Variants in TCF7L1 observed in about 807,000 individuals in gnomAD.
TCF7L1 encodes the protein transcription factor 7-like 1.
TCF7L1 carries 18 observed loss-of-function variants against 63.7 expected under a neutral mutation model. The ratio of observed to expected loss-of-function variants is 0.28; its 90% confidence interval spans 0.20 to 0.42. The LOEUF (loss-of-function observed/expected upper bound fraction) is 0.42, where lower values mean the gene tolerates loss of function less well. TCF7L1 is among the 10% of genes least tolerant of loss of function. The probability of loss-of-function intolerance (pLI) is 1.00; values close to 1 mark genes in which losing one functional copy is unlikely to be tolerated. For missense variants in TCF7L1, 654 were observed against 779.3 expected (o/e 0.84, Z 1.91); for synonymous variants, 355 against 340.9 (o/e 1.04, Z -0.46).
intron 3 of TCF7L1, chr2:85,186,342 C>T (rs901666308): frequency 6.6e-6 from 1 of 152,176 alleles, no homozygotes; most frequent in Non-Finnish European, 1.5e-5. Flanking sequence ...AGTGGCTCCT[C>T]CTTTCCATGA....
chr2:85,166,234 T>A (rs534838798), intron 3 of TCF7L1, among the ~76,000 whole-genome samples: 1 of 152,288 alleles, frequency 6.6e-6, no homozygotes, highest in Admixed American at 6.5e-5. Context: ...CTAGGTGGGC[T>A]ATTATTTACA....
chr2:85,221,045 G>A (rs921720683), intron 3 of TCF7L1, among the ~76,000 whole-genome samples: 8 of 152,162 alleles, frequency 5.3e-5, no homozygotes, highest in South Asian at 2.1e-4. Flanking sequence ...CTATTGTTAC[G>A]CACTCAGGTA....
chr2:85,283,194 A>G (rs1471810479), intron 3 of TCF7L1, among the ~76,000 whole-genome samples: 2 of 149,214 alleles, frequency 1.3e-5, no homozygotes, highest in African/African-American at 2.5e-5. Context: ...TTCTTTGAAT[A>G]TGTTGATTGG....
rs1184379116 is a variant in TCF7L1 at position 85,146,201 on chromosome 2, C to T, written c.441+11751C>T. 2.0e-5 allele frequency among the ~76,000 whole-genome samples: 3 copies of T among 152,318 alleles called. No individual in the cohort carries two copies. In the East Asian group the frequency reaches 5.8e-4, roughly 29 times the overall value. ...ACTCTTCCTACACTGAATTCTTGTG[C>T]ATCTGATATTATCACCTCGATTTTA... On this transcript the variant is annotated intron_variant, in intron 3 of 11. Transcript: ENST00000282111.
chr2:85,306,931 T>A lies in TCF7L1; in HGVS notation c.1257+372T>A, dbSNP rs1682127528. Among the ~76,000 whole-genome samples the A allele has an allele frequency of 6.6e-6, 1 of 152,222 alleles. No homozygotes were observed. Among genetic ancestry groups the A allele is most frequent in the African/African-American group, 2.4e-5 (1 of 41,454 alleles). On this transcript the variant is annotated intron_variant, in intron 10 of 11. Coordinates refer to ENST00000282111, the MANE Select transcript of TCF7L1 (RefSeq NM_031283.3). This position sits in a 1 kb window ranked among gnomAD's most constrained non-coding sequence, Gnocchi z 4.3. ...CGCCCACCTCGGCCTCCCAAAGCGC[T>A]GGGATTACAGGCGTGAGCCACCGCG...
chr2:85,282,176 C>T (rs767058880), intron 3 of TCF7L1, among the ~76,000 whole-genome samples: 1 of 152,056 alleles, frequency 6.6e-6, no homozygotes, highest in African/African-American at 2.4e-5. Context: ...TTAGTAGAGA[C>T]GAAGTTTCAC....
At chr2:85,250,700 T>G (rs1680568667) in intron 3 of TCF7L1, among the ~76,000 whole-genome samples, 2 of 152,178 alleles carry the variant, frequency 1.3e-5, no homozygotes, top group Non-Finnish European at 2.9e-5. Flanking sequence ...CCTCCCAAAG[T>G]GGTAGGATTA....
At chr2:85,276,956 G>T (rs924198739) in intron 3 of TCF7L1, among the ~76,000 whole-genome samples, 1 of 152,128 alleles carries the variant, frequency 6.6e-6, no homozygotes, top group African/African-American at 2.4e-5. Flanking sequence ...GAAGAAGAGG[G>T]GTTAAAGTTT....
intron 3 of TCF7L1, among the ~76,000 whole-genome samples, chr2:85,175,794 G>A (rs1345925775): frequency 2.6e-5 from 4 of 152,246 alleles, no homozygotes; most frequent in Non-Finnish European, 5.9e-5. Flanking sequence ...ACATGAGCCA[G>A]GATATGGAAG....
At chr2:85,151,129 T>A (rs1477669288) in intron 3 of TCF7L1, among the ~76,000 whole-genome samples, 1 of 152,198 alleles carries the variant, frequency 6.6e-6, no homozygotes, top group African/African-American at 2.4e-5. Flanking sequence ...CAAAGATGAT[T>A]TATCAAGAAA....
chr2:85,214,061 G>A (rs1326743558), intron 3 of TCF7L1, among the ~76,000 whole-genome samples: 1 of 152,168 alleles, frequency 6.6e-6, no homozygotes, highest in East Asian at 1.9e-4. Context: ...AGGGATGATC[G>A]GGGAGTGCCA....
At chr2:85,209,995 GATCTCCATATTCTTAGA>G (rs1340649314) in intron 3 of TCF7L1, among the ~76,000 whole-genome samples, 2 of 152,110 alleles carry the variant, frequency 1.3e-5, no homozygotes, top group African/African-American at 4.8e-5. Flanking sequence ...AAGGCAATTG[GATCTCCATATTCTTAGA>G]ATCCTGGCAA....
chr2:85,245,821 AAATT>A (rs1028400973), intron 3 of TCF7L1, among the ~76,000 whole-genome samples: 7 of 150,126 alleles, frequency 4.7e-5, no homozygotes, highest in African/African-American at 1.0e-4. Flanking sequence ...TCTCAAAAAA[AAATT>A]AATTAATTAA....
chr2:85,135,829 A>G (rs1677579989), intron 3 of TCF7L1, among the ~76,000 whole-genome samples: 1 of 151,566 alleles, frequency 6.6e-6, no homozygotes, highest in Admixed American at 6.6e-5. Flanking sequence ...GGAGCACCCC[A>G]GGAAGTCCTG....
chr2:85,140,637 T>TA (rs1677705942), intron 3 of TCF7L1, among the ~76,000 whole-genome samples: 2 of 151,916 alleles, frequency 1.3e-5, no homozygotes, highest in East Asian at 1.9e-4. Context: ...CTGTCTCTAC[T>TA]AAAAATACAG....
intron 3 of TCF7L1, among the ~76,000 whole-genome samples, chr2:85,161,472 C>T (rs555504784): frequency 7.2e-5 from 11 of 152,144 alleles, no homozygotes; most frequent in Non-Finnish European, 1.3e-4. Context: ...AGCTGCTTCA[C>T]TGAGCTGGGA....
chr2:85,174,228 G>A (rs75452066), intron 3 of TCF7L1, among the ~76,000 whole-genome samples: 2,966 of 152,148 alleles, frequency 0.019, 108 homozygotes, highest in African/African-American at 0.067. Flanking sequence ...AAAGGGAATC[G>A]TACAGTGTGT....
At position 85,134,547 on chromosome 2, in the gene TCF7L1, C is replaced by T. The variant is rs1677544658; in HGVS notation, c.441+97C>T. Reference sequence around the variant, plus strand: ...ATGGAGTGGGGGATGGGGCCTTCTGCGCCGATCCCAAGCAGAACTTGTTTG... The same window carrying T: ...ATGGAGTGGGGGATGGGGCCTTCTGTGCCGATCCCAAGCAGAACTTGTTTG... On this transcript the variant is annotated intron_variant, in intron 3 of 11. Transcript: ENST00000282111. The surrounding 1 kb of genome is among the most constrained non-coding windows in gnomAD (Gnocchi z 5.0). 2 of 1,466,706 alleles carry T rather than the reference C, an allele frequency of 1.4e-6. No homozygotes were observed. The highest frequency in any genetic ancestry group is 1.8e-6 in the Non-Finnish European group (2 of 1,103,722). The allele number at this position is 1,466,706 out of a possible 1,614,324, so 90.9% of individuals were successfully genotyped here.
chr2:85,239,418 G>A (rs1430427088), intron 3 of TCF7L1, among the ~76,000 whole-genome samples: 1 of 152,000 alleles, frequency 6.6e-6, no homozygotes, highest in East Asian at 1.9e-4. Context: ...TCTCCTCTAT[G>A]TGCAAACTCA....
Sources: allele counts gnomAD v4.1 joint callset (sites outside exome capture counted in the v4.1 genomes callset), GRCh38; gene constraint gnomAD v4.1.1; non-coding constraint Gnocchi (gnomAD v3.1); transcripts MANE v1.5; gene names NCBI Gene and HGNC (gene_info 2026-07-23, HGNC 2026-07-21).